MKLN1: variants seen among roughly 807,000 people sequenced by gnomAD.
MKLN1 encodes the protein muskelin.
A neutral mutation model predicts 99.0 loss-of-function variants in MKLN1; 18 were observed. The observed-to-expected ratio is 0.18, with a 90% CI of 0.13 to 0.27. The LOEUF (loss-of-function observed/expected upper bound fraction) is 0.27, where lower values mean the gene tolerates loss of function less well. Ranked by LOEUF, MKLN1 falls within the 10% of genes least tolerant of loss-of-function variation. MKLN1 has a pLI of 1.00. For synonymous variants in MKLN1, 288 were observed against 293.2 expected, an observed-to-expected ratio of 0.98 and a Z score of 0.18; for missense variants, 621 against 875.9, an observed-to-expected ratio of 0.71 and a Z score of 3.67.
intron 2 of MKLN1, among the ~76,000 whole-genome samples, chr7:131,378,821 G>C (rs1279793669): frequency 6.6e-6 from 1 of 151,318 alleles, no homozygotes. Context: ...CAGAGTGAGA[G>C]ACTGTCTCAA....
intron 2 of MKLN1, among the ~76,000 whole-genome samples, chr7:131,148,252 T>A (rs1287386477): frequency 1.3e-5 from 2 of 152,212 alleles, no homozygotes; most frequent in Admixed American, 6.5e-5. Flanking sequence ...CTAGGCTCTA[T>A]GGACTATGAC....
intron 2 of MKLN1, among the ~76,000 whole-genome samples, chr7:131,146,677 T>C (rs1045577383): frequency 2.0e-5 from 3 of 152,216 alleles, no homozygotes; most frequent in South Asian, 2.1e-4. Context: ...CCTCAATATA[T>C]TGTGCCTGAA....
rs77641012 is a variant in MKLN1, at chr7:131,480,341, G to A, written c.2086+1664G>A. Among the ~76,000 whole-genome samples the A allele has an allele frequency of 4.8e-3, 735 of 152,242 alleles. 1 individual carries two copies. Among genetic ancestry groups the A allele is most frequent in the Non-Finnish European group, 7.7e-3 (525 of 68,006 alleles). On this transcript the variant is annotated intron_variant, in intron 17 of 17. Coordinates refer to ENST00000352689, the MANE Select transcript of MKLN1 (RefSeq NM_013255.5). The stretch of plus-strand genomic sequence containing the variant: ...AATAACACTTTGGGATATCAATTTA[G>A]TTTCTTCATTATTTGACCTTTTATC...
chr7:131,267,610 C>T lies in MKLN1; in HGVS notation c.-179+64636C>T, dbSNP rs547522353. ...CTTTAGAGAGTTGACCAGTAGATTC[C>T]AGCTTTTTAATCTTGGTGTTCTGTT... is the stretch of plus-strand genomic sequence containing the variant. On this transcript the variant is annotated intron_variant, in intron 3 of 7. Transcript: ENST00000416992. 4.5e-4 allele frequency among the ~76,000 whole-genome samples: 68 copies of T among 152,212 alleles called. 1 individual carries two copies. The highest frequency in any genetic ancestry group is 1.5e-3 in the African/African-American group (64 of 41,524).
At chr7:131,168,975 C>T (rs934598451) in intron 2 of MKLN1, among the ~76,000 whole-genome samples, 9 of 151,438 alleles carry the variant, frequency 5.9e-5, no homozygotes, top group East Asian at 2.0e-4. Context: ...TCAAGCAATT[C>T]GTGTGCCTTA....
intron 3 of MKLN1, among the ~76,000 whole-genome samples, chr7:131,260,333 C>T (rs1431369497): frequency 6.6e-6 from 1 of 152,116 alleles, no homozygotes; most frequent in African/African-American, 2.4e-5. Context: ...TTTTTATATT[C>T]CAACATCCAA....
intron 3 of MKLN1, among the ~76,000 whole-genome samples, chr7:131,209,431 G>T (rs12530714): frequency 6.6e-6 from 1 of 152,036 alleles, no homozygotes; most frequent in Non-Finnish European, 1.5e-5. Flanking sequence ...GGAGCGCTGG[G>T]TGTATGGGGT....
At chr7:131,276,512 T>A (rs541902802) in intron 3 of MKLN1, among the ~76,000 whole-genome samples, 2 of 152,252 alleles carry the variant, frequency 1.3e-5, no homozygotes, top group African/African-American at 2.4e-5. Context: ...CAATGGCACA[T>A]GAAAGGTGGG....
chr7:131,157,729 TG>T (rs1795990276), intron 2 of MKLN1, among the ~76,000 whole-genome samples: 1 of 152,162 alleles, frequency 6.6e-6, no homozygotes, highest in Non-Finnish European at 1.5e-5. Flanking sequence ...ACTCATCAGT[TG>T]TTTTTTTCCT....
At chr7:131,389,063 G>GT (rs1794117466) in intron 4 of MKLN1, 91 bp downstream of exon 4, 1 of 710,308 alleles carries the variant, frequency 1.4e-6, no homozygotes, top group Non-Finnish European at 2.3e-6. Context: ...CAGGCCTCTT[G>GT]TTTTTTTAAA....
chr7:131,420,763 G>C (rs1037179797), intron 8 of MKLN1, among the ~76,000 whole-genome samples: 156 of 152,260 alleles, frequency 1.0e-3, no homozygotes, highest in African/African-American at 3.7e-3. Context: ...ATGGACAAGG[G>C]GGGAAGGACA....
chr7:131,481,511 A>G (rs1797120570), intron 17 of MKLN1, among the ~76,000 whole-genome samples: 1 of 152,200 alleles, frequency 6.6e-6, no homozygotes, highest in Non-Finnish European at 1.5e-5. Flanking sequence ...AAGATTAACC[A>G]GAGTAACATA....
chr7:131,247,887 G>GTT (rs1034960701), intron 3 of MKLN1, among the ~76,000 whole-genome samples: 62 of 151,966 alleles, frequency 4.1e-4, no homozygotes, highest in African/African-American at 1.4e-3. Flanking sequence ...GTTTTGTTTT[G>GTT]TTTTGTTTTG....
intron 3 of MKLN1, among the ~76,000 whole-genome samples, chr7:131,235,391 TCAG>T (rs1459145970): frequency 6.6e-6 from 1 of 152,056 alleles, no homozygotes; most frequent in East Asian, 1.9e-4. Flanking sequence ...GATTAATTTC[TCAG>T]CAGAATGTAT....
At chr7:131,254,606 T>TA (rs200214844) in intron 3 of MKLN1, among the ~76,000 whole-genome samples, 43 of 151,792 alleles carry the variant, frequency 2.8e-4, no homozygotes, top group South Asian at 1.0e-3. Context: ...GATTTTTTTT[T>TA]AAAAAAGAAC....
At chr7:131,143,100 A>G (rs1478613383) in intron 2 of MKLN1, among the ~76,000 whole-genome samples, 4 of 152,172 alleles carry the variant, frequency 2.6e-5, no homozygotes, top group Non-Finnish European at 4.4e-5. Flanking sequence ...TGAATATGCT[A>G]TGTGTACAAA....
chr7:131,478,526 G>C (rs1454879537), intron 16 of MKLN1, 97 bp from the exon 17 acceptor site: 1 of 1,240,546 alleles, frequency 8.1e-7, no homozygotes, highest in Non-Finnish European at 1.1e-6. Context: ...ATACGTAGTT[G>C]CTGATAAATG....
At chr7:131,122,587 T>A (rs756678228) in intron 1 of MKLN1, among the ~76,000 whole-genome samples, 2 of 152,262 alleles carry the variant, frequency 1.3e-5, no homozygotes, top group South Asian at 4.1e-4. Context: ...GCCACTACAG[T>A]TCTGTAATAC....
chr7:131,274,888 C>G (rs567901205), intron 3 of MKLN1, among the ~76,000 whole-genome samples: 3 of 152,150 alleles, frequency 2.0e-5, no homozygotes, highest in Non-Finnish European at 4.4e-5. Context: ...TTGTAAAGCT[C>G]CTTTCTTAGT....
Sources: allele counts gnomAD v4.1 joint callset (sites outside exome capture counted in the v4.1 genomes callset), GRCh38; gene constraint gnomAD v4.1.1; transcripts MANE v1.5; gene names NCBI Gene and HGNC (gene_info 2026-07-23, HGNC 2026-07-21).